Variants in COL4A2 observed in about 807,000 individuals in gnomAD.
The protein encoded by COL4A2 is collagen type IV alpha 2 chain.
A neutral mutation model predicts 200.2 loss-of-function variants in COL4A2; 99 were observed. That is an observed-to-expected ratio of 0.49 (90% CI 0.42 to 0.58). The LOEUF (loss-of-function observed/expected upper bound fraction) is 0.58. COL4A2 is among the 20% of genes least tolerant of loss of function. The probability of loss-of-function intolerance (pLI) is 0.00; values close to 1 mark genes in which losing one functional copy is unlikely to be tolerated. For missense variants in COL4A2, 1,950 were observed against 2,314.1 expected, an observed-to-expected ratio of 0.84 and a Z score of 3.23; for synonymous variants, 897 against 900.6, an observed-to-expected ratio of 1.00 and a Z score of 0.07.
In COL4A2 at chr13:110,478,021, G is replaced by C. The variant is rs780116763; in HGVS notation, c.2444G>C (p.Gly815Ala). The change falls in exon 30 of 48, where the codon GGG becomes GCG. Residue 815 changes from glycine (G) to alanine (A), a missense_variant. Physicochemically the swap from Gly to Ala is moderately conservative, Grantham distance 60. Transcript: ENST00000360467. ...PGFRGSQGMP[G>A]MPGLKGQPGL... ...CCTGCAGGAAGCCAAGGGATGCCTG[G>C]GATGCCAGGGCTGAAGGGCCAGCCA... The C allele has an allele frequency of 1.7e-5, 27 of 1,573,802 alleles. No homozygotes were observed. The highest frequency in any genetic ancestry group is 2.1e-5 in the Non-Finnish European group (24 of 1,156,502).
rs548109093 is a variant in COL4A2, at chr13:110,316,870, A to AC, written c.99+8747_99+8748insC. ...ATATATATACACGTCAAAATACAGA[A>AC]ATTGTGGTACATGTAAAACATAGAT... is the stretch of plus-strand genomic sequence containing the variant. On this transcript the variant is annotated intron_variant, in intron 3 of 47. Transcript: ENST00000360467. 5.4e-4 allele frequency among the ~76,000 whole-genome samples: 83 copies of AC among 152,336 alleles called. No individual in the cohort carries two copies. In the East Asian group the frequency reaches 0.012, roughly 21 times the overall value.
intron 24 of COL4A2, among the ~76,000 whole-genome samples, chr13:110,462,787 C>T (rs1342867068): frequency 1.3e-5 from 2 of 152,142 alleles, no homozygotes; most frequent in Non-Finnish European, 2.9e-5. Flanking sequence ...TAGTAGCCTG[C>T]AGAGACCCCA....
intron 3 of COL4A2, among the ~76,000 whole-genome samples, chr13:110,311,329 T>A (rs78256702): frequency 0.12 from 18,709 of 152,168 alleles, 2,206 homozygotes; most frequent in East Asian, 0.54. Flanking sequence ...TTTCTAAAGG[T>A]GCCCTTGTTT....
chr13:110,377,114 G>T (rs945042953), intron 4 of COL4A2, among the ~76,000 whole-genome samples: 1 of 149,934 alleles, frequency 6.7e-6, no homozygotes, highest in Non-Finnish European at 1.5e-5. Flanking sequence ...GGTGGTGAGT[G>T]TCTTATACAC....
At chr13:110,349,432 C>T (rs945374672) in intron 3 of COL4A2, among the ~76,000 whole-genome samples, 8 of 152,198 alleles carry the variant, frequency 5.3e-5, no homozygotes, top group African/African-American at 1.9e-4. Flanking sequence ...GGGTCACTCA[C>T]AGAAGAGCCA....
Position 110,449,783 on chromosome 13 carries a change from G to A in COL4A2, c.1183G>A (p.Asp395Asn). 6.5e-7 allele frequency: 1 copy of A among 1,547,822 alleles called. No homozygotes were observed. The highest frequency in any genetic ancestry group is 8.7e-7 in the Non-Finnish European group (1 of 1,146,474). ...AGGTCCCCCTGGCCTCTCCATCGGA[G>A]ATGGAGGTAATGTGGCTTCATAATA... ...LPGPPGLSIG[D>N]GDQRRGLPGE... is the part of the protein sequence containing the mutation. Residue 395 changes from aspartate (D) to asparagine (N), a missense_variant, in exon 19 of 48, where the codon GAT becomes AAT. Physicochemically the swap from Asp to Asn is conservative, Grantham distance 23. Coordinates refer to ENST00000360467, the MANE Select transcript of COL4A2 (RefSeq NM_001846.4).
intron 3 of COL4A2, among the ~76,000 whole-genome samples, chr13:110,345,733 G>T (rs914284554): frequency 6.6e-6 from 1 of 152,178 alleles, no homozygotes; most frequent in African/African-American, 2.4e-5. Flanking sequence ...GGTGGAGAAG[G>T]ACAGGGGGCA....
chr13:110,480,436 G>T, intron 31 of COL4A2, 46 bp downstream of exon 31: 1 of 1,565,100 alleles, frequency 6.4e-7, no homozygotes, highest in Non-Finnish European at 8.7e-7. Context: ...GGGAGGTTGG[G>T]TCTAATCAAC....
At chr13:110,489,614 A>T in intron 35 of COL4A2, 97 bp from the exon 36 acceptor site, 2 of 1,593,484 alleles carry the variant, frequency 1.3e-6, no homozygotes. Flanking sequence ...TTTAAAACAA[A>T]TTATTCTTGT....
chr13:110,364,266 G>A (rs1226985561), intron 4 of COL4A2, among the ~76,000 whole-genome samples: 1 of 152,178 alleles, frequency 6.6e-6, no homozygotes, highest in African/African-American at 2.4e-5. Flanking sequence ...TCAAAACCAT[G>A]CAGTTATTTT....
intron 20 of COL4A2, chr13:110,456,368 A>G (rs1210253951): frequency 3.6e-6 from 1 of 280,936 alleles, no homozygotes. Flanking sequence ...CCCCATTCCC[A>G]TATCAGAAAA....
chr13:110,393,532 T>C (rs1181015005), intron 4 of COL4A2, among the ~76,000 whole-genome samples: 1 of 151,966 alleles, frequency 6.6e-6, no homozygotes, highest in Non-Finnish European at 1.5e-5. Context: ...GTTTCAGCTA[T>C]ATTTAGTGCT....
intron 4 of COL4A2, among the ~76,000 whole-genome samples, chr13:110,387,614 GAGGGA>G (rs1420353178): frequency 1.2e-3 from 177 of 152,376 alleles, no homozygotes; most frequent in African/African-American, 3.8e-3. Flanking sequence ...CTGCAGCCCC[GAGGGA>G]GCCCTGCGCT....
At chr13:110,476,202 A>G (rs145534011) in intron 29 of COL4A2, among the ~76,000 whole-genome samples, 31 of 135,684 alleles carry the variant, frequency 2.3e-4, no homozygotes, top group African/African-American at 7.7e-4. Context: ...AATGAGCAGG[A>G]GTGGGGTGGA....
intron 3 of COL4A2, among the ~76,000 whole-genome samples, chr13:110,340,786 T>G (rs1034689927): frequency 1.3e-5 from 2 of 152,190 alleles, no homozygotes; most frequent in Admixed American, 6.5e-5. Flanking sequence ...AAACCCCAGC[T>G]TCTCGCTTGC....
At chr13:110,433,164 A>G (rs1230546458) in intron 11 of COL4A2, among the ~76,000 whole-genome samples, 3 of 152,202 alleles carry the variant, frequency 2.0e-5, no homozygotes, top group Non-Finnish European at 4.4e-5. Flanking sequence ...GCCACCGCCC[A>G]TGCCCCCAGG....
intron 4 of COL4A2, among the ~76,000 whole-genome samples, chr13:110,373,411 G>A (rs1204236494): frequency 6.6e-6 from 1 of 152,210 alleles, no homozygotes; most frequent in Non-Finnish European, 1.5e-5. Context: ...AGGGCTTTGG[G>A]TAGTGAAATA....
Position 110,503,399 on chromosome 13 carries a change from AG to A in COL4A2, c.4058del (p.Gly1353AlafsTer106), listed in dbSNP as rs1486388016. The A allele has an allele frequency of 1.3e-6, 2 of 1,598,826 alleles. No individual in the cohort carries two copies. The highest frequency in any genetic ancestry group is 1.3e-5 in the African/African-American group (1 of 74,578). On this transcript the variant is annotated frameshift_variant, in exon 43 of 48. Transcript: ENST00000360467. LOFTEE classifies it high-confidence loss of function. ...PGEKGPRGEQ[G>X]FMGNTGPTGA... ...GTGTTGCAGGGCCCAGGGGTGAACA[AG>A]GCTTCATGGGGAACACTGGACCCAC...
intron 24 of COL4A2, 145 bp from the exon 25 acceptor site, chr13:110,465,260 G>A (rs1453477088): frequency 9.3e-7 from 1 of 1,070,170 alleles, no homozygotes; most frequent in Admixed American, 2.9e-5. Flanking sequence ...GGCTGACCAT[G>A]GCACTAGGTT....
Sources: allele counts gnomAD v4.1 joint callset (sites outside exome capture counted in the v4.1 genomes callset), GRCh38; gene constraint gnomAD v4.1.1; transcripts MANE v1.5; gene names NCBI Gene and HGNC (gene_info 2026-07-23, HGNC 2026-07-21).